LAMA2: variants seen among roughly 807,000 people sequenced by gnomAD.
The protein encoded by LAMA2 is laminin subunit alpha 2, also known as laminin subunit alpha-2.
In LAMA2, 269 loss-of-function variants were observed where a neutral mutation model predicts 364.8. That is an observed-to-expected ratio of 0.74 (90% CI 0.67 to 0.82). The LOEUF is 0.82. Among genes scored for constraint, LAMA2 ranks in the 40% least tolerant of loss-of-function variants. The pLI is 0.00. For synonymous variants in LAMA2, 1,379 were observed against 1,370.6 expected, an observed-to-expected ratio of 1.01 and a Z score of -0.14; for missense variants, 3,807 against 3,873.2, an observed-to-expected ratio of 0.98 and a Z score of 0.45.
chr6:129,102,283 C>T (rs757470936), intron 4 of LAMA2, among the ~76,000 whole-genome samples: 6 of 151,620 alleles, frequency 4.0e-5, no homozygotes, highest in Non-Finnish European at 5.9e-5. Flanking sequence ...ATTACAGGCG[C>T]GTGCCACCAT....
chr6:128,897,905 G>A (rs4285344), intron 1 of LAMA2, among the ~76,000 whole-genome samples: 14,790 of 152,144 alleles, frequency 0.097, 748 homozygotes, highest in African/African-American at 0.12. Flanking sequence ...ACAAAGCAGC[G>A]CAGCACTTTT....
At chr6:128,906,098 T>G (rs1196797123) in intron 1 of LAMA2, among the ~76,000 whole-genome samples, 1 of 149,330 alleles carries the variant, frequency 6.7e-6, no homozygotes, top group Non-Finnish European at 1.5e-5. Flanking sequence ...TAAACATATG[T>G]GTGCATGTGT....
chr6:129,240,503 T>C (rs1785325870), intron 12 of LAMA2, among the ~76,000 whole-genome samples: 1 of 152,206 alleles, frequency 6.6e-6, no homozygotes, highest in African/African-American at 2.4e-5. Context: ...TCTTCTCTTT[T>C]TAAATACTCC....
chr6:129,280,124 G>C lies in LAMA2; in HGVS notation c.2514G>C (p.Gly838=). The change falls in exon 18 of 65, where the codon GGG becomes GGC. Residue 838 remains glycine (G), a synonymous_variant. Transcript: ENST00000421865. ...LGLICDGCPV[G]YTGPRCERCA... ...TGATCTGTGATGGATGCCCTGTCGG[G>C]TACACAGGACCACGCTGTGAGAGGT... The C allele has an allele frequency of 6.2e-7, 1 of 1,611,532 alleles. No homozygotes were observed. Among genetic ancestry groups the C allele is most frequent in the Non-Finnish European group, 8.5e-7 (1 of 1,177,792 alleles).
rs1776024445 is a variant in LAMA2, at chr6:128,884,304, C to T, written c.112+947C>T. ...GCAAACAATTCTTTAAGTTGGAAAA[C>T]CTGTATCAAAGTAAAAAAAAAAGAA... On this transcript the variant is annotated intron_variant, in intron 1 of 64. Coordinates refer to ENST00000421865, the MANE Select transcript of LAMA2 (RefSeq NM_000426.4). Among the ~76,000 whole-genome samples, 5 of 150,900 alleles carry T rather than the reference C, an allele frequency of 3.3e-5. No homozygotes were observed. In the South Asian group the frequency reaches 1.0e-3, roughly 31 times the overall value.
At chr6:129,451,489 T>C (rs763136512) in intron 45 of LAMA2, among the ~76,000 whole-genome samples, 3 of 152,120 alleles carry the variant, frequency 2.0e-5, no homozygotes, top group Non-Finnish European at 2.9e-5. Flanking sequence ...CACTCAGGCC[T>C]CCAGCAGTCA....
At chr6:129,432,075 T>A (rs1471627967) in intron 41 of LAMA2, among the ~76,000 whole-genome samples, 1 of 152,146 alleles carries the variant, frequency 6.6e-6, no homozygotes, top group Non-Finnish European at 1.5e-5. Context: ...AATCAGCCTT[T>A]CCATAGCAGG....
chr6:129,055,177 T>TTATTATTATTTATTAA (rs1788390146), intron 2 of LAMA2, among the ~76,000 whole-genome samples: 1 of 76,756 alleles, frequency 1.3e-5, no homozygotes, highest in Non-Finnish European at 2.5e-5. Flanking sequence ...TTATTATTAT[T>TTATTATTATTTATTAA]TATTATTATT....
rs748868978 is a variant in LAMA2 at position 129,149,143 on chromosome 6, GA to G, written c.1027+54del. 7.5e-6 allele frequency: 9 copies of G among 1,195,850 alleles called. No individual in the cohort carries two copies. In the South Asian group the frequency reaches 9.7e-5, roughly 13 times the overall value. 74.1% of individuals were successfully genotyped at this position (1,195,850 alleles called of 1,614,324 possible). On this transcript the variant is annotated intron_variant, in intron 7 of 64. Coordinates refer to ENST00000421865, the MANE Select transcript of LAMA2 (RefSeq NM_000426.4). Reference sequence around the variant, plus strand: ...AAAATATGTCATTCTTCCTTTCCAAGAAAAAAAGCCAGTAATGAAAAATAGT... The same window carrying G: ...AAAATATGTCATTCTTCCTTTCCAAGAAAAAAGCCAGTAATGAAAAATAGT...
chr6:129,145,389 C>T (rs1044592897), intron 5 of LAMA2, among the ~76,000 whole-genome samples: 2 of 151,946 alleles, frequency 1.3e-5, no homozygotes, highest in Non-Finnish European at 2.9e-5. Context: ...TGTATTATAC[C>T]TCAACATATT....
At chr6:128,988,401 T>TA (rs749325311) in intron 1 of LAMA2, among the ~76,000 whole-genome samples, 109 of 151,134 alleles carry the variant, frequency 7.2e-4, no homozygotes, top group Admixed American at 1.2e-3. Context: ...TACTTTTAGG[T>TA]AAAAAAAAAT....
chr6:129,094,132 G>T (rs1775026972), intron 3 of LAMA2, among the ~76,000 whole-genome samples: 1 of 152,172 alleles, frequency 6.6e-6, no homozygotes, highest in Non-Finnish European at 1.5e-5. Context: ...GAAAATCACT[G>T]TTAAAATTGT....
intron 3 of LAMA2, among the ~76,000 whole-genome samples, chr6:129,066,037 G>GGTTTTTTTTT (rs1789278798): frequency 6.7e-5 from 1 of 14,964 alleles, no homozygotes; most frequent in African/African-American, 1.4e-4. Context: ...CCCAGTCTCA[G>GGTTTTTTTTT]GTTTTTTTTT....
chr6:128,922,404 C>A (rs1778798290), intron 1 of LAMA2, among the ~76,000 whole-genome samples: 1 of 151,606 alleles, frequency 6.6e-6, no homozygotes, highest in African/African-American at 2.4e-5. Flanking sequence ...GCCATTCTAA[C>A]TGGTGTGAGA....
intron 27 of LAMA2, among the ~76,000 whole-genome samples, chr6:129,319,133 A>G (rs1373040441): frequency 6.6e-6 from 1 of 152,206 alleles, no homozygotes; most frequent in Non-Finnish European, 1.5e-5. Flanking sequence ...CCTCAGAAAG[A>G]AATCAATATT....
chr6:129,298,181 G>A (rs1278982583), intron 21 of LAMA2, among the ~76,000 whole-genome samples: 1 of 34,000 alleles, frequency 2.9e-5, no homozygotes, highest in Non-Finnish European at 5.0e-5. Flanking sequence ...CGATTTTTCT[G>A]GTACCAGTCT....
At chr6:129,039,910 G>T (rs1026142447) in intron 1 of LAMA2, among the ~76,000 whole-genome samples, 1 of 152,178 alleles carries the variant, frequency 6.6e-6, no homozygotes, top group East Asian at 1.9e-4. Flanking sequence ...GCCACAGGCT[G>T]GTACTGGTCT....
Position 129,502,668 on chromosome 6 carries a change from G to A in LAMA2, c.8254G>A (p.Ala2752Thr). The A allele has an allele frequency of 1.9e-6, 3 of 1,612,806 alleles. No individual in the cohort carries two copies. Among genetic ancestry groups the A allele is most frequent in the African/African-American group, 1.3e-5 (1 of 75,012 alleles). ...CCTGGGTATTTTACAGGGTCCTTGT[G>A]CTGCAGAATCAGAACCAGCTCTTTT... ...PTPVLTHGPC[A>T]AESEPALLIG... The change falls in exon 59 of 65, where the codon GCT (alanine) becomes ACT (threonine). Residue 2752 changes from alanine to threonine, a missense_variant. Ala to Thr is a moderately conservative substitution (Grantham distance 58). This residue lies in a region of LAMA2 where 3,333 missense variants were observed against 3,345.7 expected (regional missense o/e 1.00). Transcript: ENST00000421865.
At chr6:129,325,533 GT>G (rs201833533) in intron 28 of LAMA2, among the ~76,000 whole-genome samples, 145 of 145,204 alleles carry the variant, frequency 1.0e-3, no homozygotes, top group Middle Eastern at 3.5e-3. Context: ...GAGAATTTCT[GT>G]TTTTTTTTTT....
Sources: gnomAD v4.1 joint callset for allele counts (sites outside exome capture counted in the v4.1 genomes callset) on GRCh38, gnomAD v4.1.1 for gene constraint, gnomAD v4.1.1 regional missense constraint, MANE v1.5 for transcripts, NCBI Gene and HGNC (gene_info 2026-07-23, HGNC 2026-07-21) for gene names.